TMCC3: variants seen among roughly 807,000 people sequenced by gnomAD.
The protein encoded by TMCC3 is transmembrane and coiled-coil domain protein 3.
In TMCC3, 28 loss-of-function variants were observed where a neutral mutation model predicts 40.2. That is an observed-to-expected ratio of 0.70 (90% confidence interval 0.52 to 0.95). The LOEUF is 0.95. TMCC3 is among the 40% of genes least tolerant of loss of function. The pLI is 0.00. For missense variants in TMCC3, 554 were observed against 615.2 expected, an observed-to-expected ratio of 0.90 and a Z score of 1.05; for synonymous variants, 255 against 248.5, an observed-to-expected ratio of 1.03 and a Z score of -0.25.
At chr12:94,600,547 A>C (rs113607670) in intron 1 of TMCC3, among the ~76,000 whole-genome samples, 98 of 152,134 alleles carry the variant, frequency 6.4e-4, no homozygotes, top group African/African-American at 2.2e-3. Flanking sequence ...GCCCTGAGTA[A>C]TTTTTCCTAT....
intron 1 of TMCC3, among the ~76,000 whole-genome samples, chr12:94,613,213 C>A (rs2068826879): frequency 6.6e-6 from 1 of 152,028 alleles, no homozygotes; most frequent in African/African-American, 2.4e-5. Flanking sequence ...CCTGTAATCC[C>A]AGCACTTTGG....
chr12:94,588,193 G>C (rs1327017117), intron 1 of TMCC3, among the ~76,000 whole-genome samples: 1 of 152,182 alleles, frequency 6.6e-6, no homozygotes, highest in Non-Finnish European at 1.5e-5. Context: ...CACTGTGCAG[G>C]ATTCACGGAA....
chr12:94,580,510 G>A (rs1000804296), intron 2 of TMCC3, among the ~76,000 whole-genome samples: 10 of 152,140 alleles, frequency 6.6e-5, no homozygotes, highest in Non-Finnish European at 8.8e-5. Flanking sequence ...CAAGGCGGGC[G>A]AATCACCTGA....
intron 1 of TMCC3, among the ~76,000 whole-genome samples, chr12:94,611,853 T>C (rs1297879727): frequency 1.3e-5 from 2 of 152,174 alleles, no homozygotes; most frequent in Admixed American, 6.5e-5. Flanking sequence ...GTTGAATCCA[T>C]GAATGTGAAA....
intron 1 of TMCC3, among the ~76,000 whole-genome samples, chr12:94,650,001 G>C (rs539080496): frequency 6.6e-6 from 1 of 152,192 alleles, no homozygotes. Context: ...CTGGAGACGC[G>C]GGGCCGCGGG....
At chr12:94,583,286 C>A (rs1190377580) in intron 1 of TMCC3, among the ~76,000 whole-genome samples, 1 of 151,678 alleles carries the variant, frequency 6.6e-6, no homozygotes, top group Non-Finnish European at 1.5e-5. Context: ...AGGTGGATCA[C>A]CTGAAGTCGG....
At chr12:94,628,154 G>A (rs1242785619) in intron 1 of TMCC3, among the ~76,000 whole-genome samples, 1 of 152,188 alleles carries the variant, frequency 6.6e-6, no homozygotes, top group Non-Finnish European at 1.5e-5. Flanking sequence ...TGCCATGAAA[G>A]GTGCCCGAGT....
At chr12:94,578,315 G>A in intron 3 of TMCC3, 79 bp downstream of exon 3, 12 of 1,509,506 alleles carry the variant, frequency 7.9e-6, no homozygotes, top group Non-Finnish European at 9.8e-6. Flanking sequence ...TAGGACTTAG[G>A]CATAAACATT....
At chr12:94,601,028 T>C (rs1423467150) in intron 1 of TMCC3, among the ~76,000 whole-genome samples, 1 of 152,230 alleles carries the variant, frequency 6.6e-6, no homozygotes, top group African/African-American at 2.4e-5. Flanking sequence ...TACATACTTA[T>C]GTATGTGCAC....
chr12:94,582,965 C>CT (rs753900771), intron 1 of TMCC3, among the ~76,000 whole-genome samples: 2,058 of 59,828 alleles, frequency 0.034, 30 homozygotes, highest in East Asian at 0.11. Context: ...GAAGGAGAAT[C>CT]TTTTTTTTTT....
chr12:94,600,744 C>T (rs1470845856), intron 1 of TMCC3, among the ~76,000 whole-genome samples: 2 of 152,162 alleles, frequency 1.3e-5, no homozygotes, highest in African/African-American at 4.8e-5. Flanking sequence ...TTCCATGAGG[C>T]CTTTCCAAAG....
At chr12:94,576,307 G>A (rs538441263) in intron 3 of TMCC3, among the ~76,000 whole-genome samples, 97 of 152,300 alleles carry the variant, frequency 6.4e-4, no homozygotes, top group African/African-American at 2.1e-3. Flanking sequence ...GAATAAAAAC[G>A]TGGCCAGTTG....
In TMCC3 at chr12:94,649,128, T is replaced by C. The variant is rs570141133; in HGVS notation, c.78+1225A>G. On this transcript the variant is annotated intron_variant, in intron 1 of 3. Transcript: ENST00000261226. Reference sequence around the variant, plus strand: ...GCATGAGGTATTATTCCACCAAATATATTCAATCTGTAAAAACTCAAATCA... The same window carrying C: ...GCATGAGGTATTATTCCACCAAATACATTCAATCTGTAAAAACTCAAATCA... Among the ~76,000 whole-genome samples, 24 of 152,292 alleles carry C rather than the reference T, an allele frequency of 1.6e-4. No homozygotes were observed. The South Asian group carries it at 4.8e-3, about 30-fold the overall frequency.
At chr12:94,620,023 C>T (rs1443558305) in intron 1 of TMCC3, among the ~76,000 whole-genome samples, 1 of 151,822 alleles carries the variant, frequency 6.6e-6, no homozygotes, top group Non-Finnish European at 1.5e-5. Context: ...ATTAGCTGGG[C>T]GTGGTGGCGG....
chr12:94,632,881 C>A (rs2138877749), intron 1 of TMCC3, among the ~76,000 whole-genome samples: 1 of 152,256 alleles, frequency 6.6e-6, no homozygotes, highest in East Asian at 1.9e-4. Flanking sequence ...CCGAGGCAGG[C>A]AGATCACTTG....
chr12:94,638,783 A>G (rs536494189), intron 1 of TMCC3, among the ~76,000 whole-genome samples: 2 of 152,358 alleles, frequency 1.3e-5, no homozygotes, highest in African/African-American at 4.8e-5. Context: ...CTTGACAAAG[A>G]CAGAGAAAAG....
intron 1 of TMCC3, among the ~76,000 whole-genome samples, chr12:94,644,204 G>A (rs1172518636): frequency 1.3e-5 from 2 of 152,056 alleles, no homozygotes; most frequent in African/African-American, 2.4e-5. Context: ...GTTCTCTTTC[G>A]AAGGAATGAA....
At chr12:94,575,259 A>G (rs1289969076) in intron 3 of TMCC3, among the ~76,000 whole-genome samples, 1 of 152,234 alleles carries the variant, frequency 6.6e-6, no homozygotes, top group Non-Finnish European at 1.5e-5. Flanking sequence ...CCCAACTGCT[A>G]GAAGCCCTGA....
intron 1 of TMCC3, among the ~76,000 whole-genome samples, chr12:94,614,114 A>AAC (rs2068833497): frequency 6.6e-6 from 1 of 151,698 alleles, no homozygotes; most frequent in Non-Finnish European, 1.5e-5. Context: ...AAAAAAAAAA[A>AAC]AACTATGGAG....
Sources: allele counts gnomAD v4.1 joint callset (sites outside exome capture counted in the v4.1 genomes callset), GRCh38; gene constraint gnomAD v4.1.1; transcripts MANE v1.5; gene names NCBI Gene and HGNC (gene_info 2026-07-23, HGNC 2026-07-21).